The following EXOC4 variants were observed in gnomAD, a reference collection of about 807,000 sequenced individuals.
The protein encoded by EXOC4 is SEC8-like 1.
A neutral mutation model predicts 107.2 loss-of-function variants in EXOC4; 71 were observed. That is an observed-to-expected ratio of 0.66 (90% CI 0.55 to 0.81). The LOEUF (loss-of-function observed/expected upper bound fraction) is 0.81, where lower values mean the gene tolerates loss of function less well. EXOC4 is among the 30% of genes least tolerant of loss of function. EXOC4 has a pLI of 0.00. For missense variants in EXOC4, 1,108 were observed against 1,189.6 expected (o/e 0.93, Z 1.01); for synonymous variants, 456 against 441.2 (o/e 1.03, Z -0.42).
chr7:133,425,745 A>G (rs1797711069), intron 7 of EXOC4, among the ~76,000 whole-genome samples: 2 of 152,044 alleles, frequency 1.3e-5, no homozygotes, highest in African/African-American at 2.4e-5. Context: ...CAGGCCTACA[A>G]CCTGAAGGCT....
intron 9 of EXOC4, among the ~76,000 whole-genome samples, chr7:133,556,151 C>T (rs1384252259): frequency 6.6e-6 from 1 of 152,304 alleles, no homozygotes; most frequent in African/African-American, 2.4e-5. Flanking sequence ...TAATTCTTCT[C>T]CATAATGAGT....
At chr7:133,531,005 G>A (rs898850949) in intron 9 of EXOC4, among the ~76,000 whole-genome samples, 1 of 152,060 alleles carries the variant, frequency 6.6e-6, no homozygotes, top group African/African-American at 2.4e-5. Flanking sequence ...TGACATCGTG[G>A]CCAGACTCAT....
intron 10 of EXOC4, among the ~76,000 whole-genome samples, chr7:133,743,455 T>C (rs755357666): frequency 2.6e-5 from 4 of 152,194 alleles, no homozygotes; most frequent in Non-Finnish European, 5.9e-5. Context: ...ATGTACCCCT[T>C]AGCAGCTGTG....
At chr7:134,041,316 T>A (rs1197258401) in intron 17 of EXOC4, among the ~76,000 whole-genome samples, 2 of 152,212 alleles carry the variant, frequency 1.3e-5, no homozygotes, top group Non-Finnish European at 2.9e-5. Flanking sequence ...TACTTCATAT[T>A]CTTAATAAAA....
intron 10 of EXOC4, among the ~76,000 whole-genome samples, chr7:133,646,637 T>C (rs1802999190): frequency 6.6e-6 from 1 of 152,186 alleles, no homozygotes; most frequent in Non-Finnish European, 1.5e-5. Context: ...GTGGTATGCA[T>C]ATTTCTGATA....
intron 9 of EXOC4, among the ~76,000 whole-genome samples, chr7:133,589,182 C>T (rs1718662745): frequency 2.0e-5 from 3 of 152,108 alleles, no homozygotes; most frequent in South Asian, 2.1e-4. Flanking sequence ...ATCTTTTTTA[C>T]ATTACTAACT....
At chr7:133,256,647 A>G (rs1795026131) in intron 1 of EXOC4, among the ~76,000 whole-genome samples, 1 of 152,180 alleles carries the variant, frequency 6.6e-6, no homozygotes, top group African/African-American at 2.4e-5. Flanking sequence ...TGCTCCTTTA[A>G]TTCTCTTGCT....
In EXOC4 at chr7:133,964,619, G is replaced by T. The variant is rs546022999; in HGVS notation, c.2206+26550G>T. 3.9e-5 allele frequency among the ~76,000 whole-genome samples: 6 copies of T among 152,148 alleles called. No homozygotes were observed. The East Asian group carries it at 1.2e-3, about 29-fold the overall frequency. On this transcript the variant is annotated intron_variant, in intron 14 of 17. Transcript: ENST00000253861. ...CTGTGTTAGTTTGCTGAGAGTGATG[G>T]TTTCCAGCTTCATCCATGTCCCTGC...
intron 9 of EXOC4, among the ~76,000 whole-genome samples, chr7:133,604,710 C>CTTTTTTTTTTTTTTTTTTTTTT (rs61548710): frequency 1.2e-4 from 6 of 50,218 alleles, no homozygotes; most frequent in Non-Finnish European, 2.1e-4. Flanking sequence ...TTCCTTCTTT[C>CTTTTTTTTTTTTTTTTTTTTTT]TTTTTTTTTT....
At chr7:133,661,168 G>C (rs188902205) in intron 10 of EXOC4, among the ~76,000 whole-genome samples, 6 of 152,170 alleles carry the variant, frequency 3.9e-5, no homozygotes, top group Non-Finnish European at 2.9e-5. Flanking sequence ...GTAAAGGATG[G>C]GAACCTACCT....
intron 14 of EXOC4, among the ~76,000 whole-genome samples, chr7:133,971,361 TAGAGAGAGAGAGAGAG>T (rs1186165891): frequency 2.7e-5 from 2 of 75,086 alleles, no homozygotes. Flanking sequence ...TATATATATA[TAGAGAGAGAGAGAGAG>T]AGAGAGAGAG....
chr7:133,465,094 A>G (rs919081280), intron 7 of EXOC4, among the ~76,000 whole-genome samples: 1 of 152,154 alleles, frequency 6.6e-6, no homozygotes, highest in Non-Finnish European at 1.5e-5. Flanking sequence ...TGTTAGGATT[A>G]TAGGCATGTG....
intron 11 of EXOC4, among the ~76,000 whole-genome samples, chr7:133,840,445 G>A (rs1274058855): frequency 1.3e-5 from 2 of 151,970 alleles, no homozygotes; most frequent in African/African-American, 2.4e-5. Context: ...TGATTGGGCA[G>A]GAGAGCACTT....
chr7:133,294,813 C>T (rs1794482568), intron 3 of EXOC4, among the ~76,000 whole-genome samples: 1 of 151,882 alleles, frequency 6.6e-6, no homozygotes, highest in South Asian at 2.1e-4. Flanking sequence ...TTAACAAGAT[C>T]CTTTGGAATT....
chr7:133,274,611 A>G (rs1163572142), intron 1 of EXOC4, among the ~76,000 whole-genome samples: 2 of 152,176 alleles, frequency 1.3e-5, no homozygotes, highest in African/African-American at 4.8e-5. Context: ...AATTGTTCCT[A>G]GTACTTCCTT....
chr7:133,947,734 T>C (rs1800588629), intron 14 of EXOC4, among the ~76,000 whole-genome samples: 1 of 152,184 alleles, frequency 6.6e-6, no homozygotes, highest in Non-Finnish European at 1.5e-5. Context: ...TATGGAGTTC[T>C]AAGTACTTGC....
intron 10 of EXOC4, among the ~76,000 whole-genome samples, chr7:133,739,182 G>A (rs1303556404): frequency 6.6e-6 from 1 of 151,414 alleles, no homozygotes. Context: ...GAAGTTTATC[G>A]TGACATCTAC....
At chr7:133,434,673 T>A (rs928740152) in intron 7 of EXOC4, among the ~76,000 whole-genome samples, 1 of 152,148 alleles carries the variant, frequency 6.6e-6, no homozygotes, top group Admixed American at 6.5e-5. Context: ...CCATACACCA[T>A]TGATGTTGCT....
chr7:133,606,379 T>C (rs1440396045), intron 9 of EXOC4, among the ~76,000 whole-genome samples: 1 of 152,158 alleles, frequency 6.6e-6, no homozygotes, highest in Non-Finnish European at 1.5e-5. Flanking sequence ...CCCTGTTTCA[T>C]CATTGCAAAT....
Sources: allele counts gnomAD v4.1 joint callset (sites outside exome capture counted in the v4.1 genomes callset), GRCh38; gene constraint gnomAD v4.1.1; transcripts MANE v1.5; gene names NCBI Gene and HGNC (gene_info 2026-07-23, HGNC 2026-07-21).